Variants in TP63 observed in about 807,000 individuals in gnomAD.
TP63 encodes the protein tumor protein p63.
In TP63, 17 loss-of-function variants were observed where a neutral mutation model predicts 82.8. The observed-to-expected ratio is 0.21, with a 90% CI of 0.14 to 0.31. The LOEUF (loss-of-function observed/expected upper bound fraction) is 0.31, where lower values mean the gene tolerates loss of function less well. TP63 is among the 10% of genes least tolerant of loss of function. The pLI, the probability that TP63 is intolerant of heterozygous loss-of-function variation, is 1.00. For synonymous variants in TP63, 330 were observed against 321.7 expected (o/e 1.03, Z -0.28); for missense variants, 648 against 895.3 (o/e 0.72, Z 3.52).
chr3:189,782,017 A>G (rs909374120), intron 3 of TP63, among the ~76,000 whole-genome samples: 1 of 152,200 alleles, frequency 6.6e-6, no homozygotes, highest in Non-Finnish European at 1.5e-5. Flanking sequence ...AGGCATGGGC[A>G]GGGGAAGTGT....
chr3:189,637,203 AG>A (rs1322141325), intron 1 of TP63, among the ~76,000 whole-genome samples: 4 of 152,134 alleles, frequency 2.6e-5, no homozygotes, highest in Non-Finnish European at 5.9e-5. Context: ...GTAGACCTGG[AG>A]AGAACACAAA....
intron 3 of TP63, among the ~76,000 whole-genome samples, chr3:189,793,738 C>CA: frequency 6.6e-6 from 1 of 151,992 alleles, no homozygotes; most frequent in Middle Eastern, 3.4e-3. Flanking sequence ...ATACAGGTAA[C>CA]AAAAAGATAC....
intron 11 of TP63, among the ~76,000 whole-genome samples, chr3:189,888,150 G>A (rs567424895): frequency 2.2e-4 from 33 of 152,238 alleles, no homozygotes; most frequent in African/African-American, 7.2e-4. Context: ...GAGCCACCGC[G>A]CCTGGCCACA....
At chr3:189,890,679 G>A (rs1720925163) in intron 12 of TP63, 110 bp from the exon 13 acceptor site, 2 of 844,870 alleles carry the variant, frequency 2.4e-6, no homozygotes, top group Non-Finnish European at 3.9e-6. Flanking sequence ...CATCTCTGAT[G>A]TGGGGCATCC....
rs541196675 is a variant in TP63, at chr3:189,633,632, C to T, written c.62+2055C>T. Among the ~76,000 whole-genome samples, 18 of 152,136 alleles carry T rather than the reference C, an allele frequency of 1.2e-4. No individual in the cohort carries two copies. The East Asian group carries it at 3.3e-3, about 28-fold the overall frequency. On this transcript the variant is annotated intron_variant, in intron 1 of 13. Transcript: ENST00000264731. ...TTCCTAGAATGCCCTGGGCTTTAAT[C>T]ATGGTGCCTGATACTTTTGGGGAAG...
intron 9 of TP63, among the ~76,000 whole-genome samples, chr3:189,870,415 TA>T (rs1416440409): frequency 2.0e-5 from 3 of 152,320 alleles, no homozygotes; most frequent in Non-Finnish European, 2.9e-5. Flanking sequence ...TTAGATATTA[TA>T]AGTAATCTAG....
rs2108806350 is a variant in TP63 at position 189,868,616 on chromosome 3, G to A, written c.1029G>A (p.Arg343=). 6.2e-7 allele frequency: 1 copy of A among 1,614,096 alleles called. No homozygotes were observed. Among genetic ancestry groups the A allele is most frequent in the Non-Finnish European group, 8.5e-7 (1 of 1,179,986 alleles). The change falls in exon 8 of 14, where the codon CGG becomes CGA. Residue 343 remains arginine, a synonymous_variant. Coordinates refer to ENST00000264731, the MANE Select transcript of TP63 (RefSeq NM_003722.5). The stretch of plus-strand genomic sequence containing the variant: ...TGGGCCGACGCTGCTTTGAGGCCCG[G>A]ATCTGTGCTTGCCCAGGAAGAGACA... The part of the protein sequence containing the change: ...QVLGRRCFEA[R]ICACPGRDRK...
At chr3:189,633,558 A>G (rs573258182) in intron 1 of TP63, among the ~76,000 whole-genome samples, 1 of 152,204 alleles carries the variant, frequency 6.6e-6, no homozygotes, top group South Asian at 2.1e-4. Context: ...AAAGGACATG[A>G]TCTCATTCTT....
At chr3:189,789,826 A>C in intron 3 of TP63, 1 of 1,598,684 alleles carries the variant, frequency 6.3e-7, no homozygotes, top group Non-Finnish European at 8.5e-7. Flanking sequence ...AACAATGCCC[A>C]GACTCAATTT....
intron 1 of TP63, among the ~76,000 whole-genome samples, chr3:189,670,029 A>G (rs1167103421): frequency 6.6e-6 from 1 of 151,986 alleles, no homozygotes; most frequent in Non-Finnish European, 1.5e-5. Flanking sequence ...CTATATTAAT[A>G]AGAAAGCTGA....
chr3:189,844,578 G>A (rs975682338), intron 4 of TP63, among the ~76,000 whole-genome samples: 18 of 152,112 alleles, frequency 1.2e-4, no homozygotes, highest in African/African-American at 3.1e-4. Flanking sequence ...CACTGCACCC[G>A]GCCAACACTT....
At chr3:189,617,996 T>A in the TP63 span, among the ~76,000 whole-genome samples, 1 of 152,214 alleles carries the variant, frequency 6.6e-6, no homozygotes, top group African/African-American at 2.4e-5. Flanking sequence ...TCAAACTGTC[T>A]GTACCCAATA....
intron 4 of TP63, among the ~76,000 whole-genome samples, chr3:189,856,121 C>T (rs1716262437): frequency 6.6e-6 from 1 of 151,042 alleles, no homozygotes; most frequent in South Asian, 2.1e-4. Flanking sequence ...GTAGGAGAAA[C>T]CTACATAGAG....
chr3:189,894,134 A>G (rs1451165849), intron 13 of TP63, 72 bp from the exon 14 acceptor site: 3 of 1,556,522 alleles, frequency 1.9e-6, no homozygotes, highest in Non-Finnish European at 2.7e-6. Context: ...AGGGAATGAT[A>G]GGATGCTGTG....
intron 10 of TP63, among the ~76,000 whole-genome samples, chr3:189,883,919 A>G (rs952706838): frequency 2.0e-5 from 3 of 150,678 alleles, no homozygotes; most frequent in African/African-American, 7.3e-5. Flanking sequence ...GTAAGAAGGA[A>G]TTTACTCTGA....
chr3:189,786,418 T>C (rs1010239524), intron 3 of TP63, among the ~76,000 whole-genome samples: 27 of 151,104 alleles, frequency 1.8e-4, no homozygotes, highest in African/African-American at 6.3e-4. Context: ...TAATACTGTA[T>C]GCAAATTTGA....
At chr3:189,705,406 G>T (rs532849181) in intron 1 of TP63, among the ~76,000 whole-genome samples, 1 of 151,976 alleles carries the variant, frequency 6.6e-6, no homozygotes, top group Admixed American at 6.6e-5. Flanking sequence ...TCATTTCAAC[G>T]CTTTTCATTC....
At chr3:189,777,842 C>CT (rs1723924680) in intron 3 of TP63, among the ~76,000 whole-genome samples, 2 of 65,960 alleles carry the variant, frequency 3.0e-5, no homozygotes, top group African/African-American at 1.3e-4. Flanking sequence ...TCTTCTTCTT[C>CT]TTCTTTTTTT....
the TP63 span, among the ~76,000 whole-genome samples, chr3:189,611,836 C>A: frequency 1.3e-5 from 2 of 152,074 alleles, no homozygotes; most frequent in Non-Finnish European, 2.9e-5. Flanking sequence ...TTGTAGAGAT[C>A]TTTCACCTCC....
Sources: gnomAD v4.1 joint callset for allele counts (sites outside exome capture counted in the v4.1 genomes callset) on GRCh38, gnomAD v4.1.1 for gene constraint, MANE v1.5 for transcripts, NCBI Gene and HGNC (gene_info 2026-07-23, HGNC 2026-07-21) for gene names.